Variants in SH3GL3 observed in about 807,000 individuals in gnomAD.
The protein encoded by SH3GL3 is endophilin-A3.
Under a neutral mutation model 47.7 loss-of-function variants are expected in SH3GL3, and 33 were observed. That is an observed-to-expected ratio of 0.69 (90% CI 0.52 to 0.92). The LOEUF is 0.92. SH3GL3 is among the 40% of genes least tolerant of loss of function. SH3GL3 has a pLI of 0.00. For missense variants in SH3GL3, 363 were observed against 417.8 expected, an observed-to-expected ratio of 0.87 and a Z score of 1.14; for synonymous variants, 155 against 148.8, an observed-to-expected ratio of 1.04 and a Z score of -0.30.
At chr15:83,516,991 A>T (rs776564429) in intron 1 of SH3GL3, among the ~76,000 whole-genome samples, 8 of 151,958 alleles carry the variant, frequency 5.3e-5, no homozygotes, top group Non-Finnish European at 1.2e-4. Context: ...GTATAACTAT[A>T]CCATACTTTT....
At chr15:83,472,364 C>T (rs1478384691) in intron 1 of SH3GL3, among the ~76,000 whole-genome samples, 1 of 152,150 alleles carries the variant, frequency 6.6e-6, no homozygotes, top group African/African-American at 2.4e-5. Context: ...GTTATGGTCC[C>T]TCATGTCCCT....
At chr15:83,557,402 A>C (rs1174148628) in intron 1 of SH3GL3, among the ~76,000 whole-genome samples, 1 of 152,246 alleles carries the variant, frequency 6.6e-6, no homozygotes, top group East Asian at 1.9e-4. Flanking sequence ...TCAAGACATT[A>C]GGTTAATTCT....
At position 83,447,604 on chromosome 15, in the gene SH3GL3, A is replaced by C. The variant is rs2039497898; in HGVS notation, c.45+26A>C. On this transcript the variant is annotated intron_variant, in intron 1 of 8. Transcript: ENST00000427482. This position sits in a 1 kb window ranked among gnomAD's most constrained non-coding sequence, Gnocchi z 5.1. ...GTAGGGAGGCGCAGAGGAGGGAAGG[A>C]GGGAGGGGGACGCGGAGGCTGCGGC... The C allele has an allele frequency of 2.0e-6, 3 of 1,470,268 alleles. No individual in the cohort carries two copies. The East Asian group carries it at 8.9e-5, about 43-fold the overall frequency. 91.1% of individuals were successfully genotyped at this position (1,470,268 alleles called of 1,614,324 possible).
At chr15:83,541,212 A>G (rs1567318381) in intron 1 of SH3GL3, among the ~76,000 whole-genome samples, 1 of 150,278 alleles carries the variant, frequency 6.7e-6, no homozygotes, top group Non-Finnish European at 1.5e-5. Flanking sequence ...GGCTATTGTG[A>G]ATAATGCTGC....
intron 2 of SH3GL3, among the ~76,000 whole-genome samples, chr15:83,560,969 A>G (rs146147703): frequency 0.013 from 1,996 of 152,316 alleles, 27 homozygotes; most frequent in Non-Finnish European, 0.019. Context: ...TCTGCACTAC[A>G]TAACATAGCA....
rs150920881 is a variant in SH3GL3, at chr15:83,606,893, A to G, written c.839-11189A>G. 3.9e-3 allele frequency among the ~76,000 whole-genome samples: 589 copies of G among 152,322 alleles called. 12 individuals are homozygous for G. Among genetic ancestry groups the G allele is most frequent in the Admixed American group, 0.035 (535 of 15,298 alleles). ...ATAATTTGAAATGTGGACAGGTTGA[A>G]CATTTAAATATTTTCTATATTTTAA... On this transcript the variant is annotated intron_variant, in intron 8 of 8. Coordinates refer to ENST00000427482, the MANE Select transcript of SH3GL3 (RefSeq NM_003027.5).
intron 1 of SH3GL3, among the ~76,000 whole-genome samples, chr15:83,457,123 A>T (rs986753985): frequency 6.6e-6 from 1 of 152,186 alleles, no homozygotes; most frequent in South Asian, 2.1e-4. Context: ...AGTTCAGGGC[A>T]CACCTATGTG....
At chr15:83,624,721 G>A in the SH3GL3 span, among the ~76,000 whole-genome samples, 1 of 152,188 alleles carries the variant, frequency 6.6e-6, no homozygotes, top group Non-Finnish European at 1.5e-5. Context: ...CTCCTTGGGA[G>A]GCCAGGACTT....
At chr15:83,606,895 A>G (rs1377717157) in intron 8 of SH3GL3, among the ~76,000 whole-genome samples, 3 of 152,222 alleles carry the variant, frequency 2.0e-5, no homozygotes, top group Non-Finnish European at 4.4e-5. Flanking sequence ...CAGGTTGAAC[A>G]TTTAAATATT....
intron 1 of SH3GL3, among the ~76,000 whole-genome samples, chr15:83,522,046 G>A (rs2043227701): frequency 6.6e-6 from 1 of 152,046 alleles, no homozygotes; most frequent in African/African-American, 2.4e-5. Context: ...GGGAAATAGT[G>A]GGTTCAGAAT....
chr15:83,456,509 T>G (rs2039976777), intron 1 of SH3GL3, among the ~76,000 whole-genome samples: 1 of 74,602 alleles, frequency 1.3e-5, no homozygotes, highest in South Asian at 6.3e-4. Context: ...TATAGTCTCG[T>G]GGTGCGCCGT....
intron 3 of SH3GL3, among the ~76,000 whole-genome samples, 190 bp from the exon 4 acceptor site, chr15:83,568,338 AC>A (rs1384939898): frequency 1.3e-5 from 2 of 152,184 alleles, no homozygotes; most frequent in South Asian, 2.1e-4. Flanking sequence ...TGCACTTAGC[AC>A]CCACCTTGGT....
intron 1 of SH3GL3, among the ~76,000 whole-genome samples, chr15:83,517,723 ATCTC>A (rs1450873034): frequency 6.6e-6 from 1 of 151,842 alleles, no homozygotes; most frequent in Non-Finnish European, 1.5e-5. Context: ...TATTTTGCAG[ATCTC>A]TCTCTCTTCT....
At chr15:83,608,979 C>A (rs1050094257) in intron 8 of SH3GL3, among the ~76,000 whole-genome samples, 8 of 152,124 alleles carry the variant, frequency 5.3e-5, no homozygotes, top group African/African-American at 1.9e-4. Context: ...TGACTTCAGG[C>A]CAGGAAGTGA....
chr15:83,471,387 G>C lies in SH3GL3; in HGVS notation c.45+23809G>C, dbSNP rs767270018. Among the ~76,000 whole-genome samples, 78 of 152,268 alleles carry C rather than the reference G, an allele frequency of 5.1e-4. No individual in the cohort carries two copies. In the Middle Eastern group the frequency reaches 0.01, roughly 20 times the overall value. ...TACCTTGAGGCTGTTTTCATTCTTT[G>C]AGTTTCTACCTAATGAACCACAACC... On this transcript the variant is annotated intron_variant, in intron 1 of 8. Coordinates refer to ENST00000427482, the MANE Select transcript of SH3GL3 (RefSeq NM_003027.5).
chr15:83,562,068 C>G (rs946207860), intron 2 of SH3GL3, among the ~76,000 whole-genome samples: 2 of 119,158 alleles, frequency 1.7e-5, no homozygotes, highest in African/African-American at 6.4e-5. Context: ...CACACACACA[C>G]ACACACACAC....
chr15:83,484,140 T>C (rs1212801465), intron 1 of SH3GL3, among the ~76,000 whole-genome samples: 4 of 152,196 alleles, frequency 2.6e-5, no homozygotes, highest in Non-Finnish European at 4.4e-5. Flanking sequence ...TTTTCTGCCT[T>C]CTTCTTATAC....
At chr15:83,559,791 G>T (rs962601491) in intron 2 of SH3GL3, among the ~76,000 whole-genome samples, 3 of 152,200 alleles carry the variant, frequency 2.0e-5, no homozygotes, top group African/African-American at 7.2e-5. Flanking sequence ...GAACCAGAGT[G>T]TGAACTTGGA....
intron 1 of SH3GL3, among the ~76,000 whole-genome samples, chr15:83,473,491 G>A (rs2040932114): frequency 1.3e-5 from 2 of 151,480 alleles, no homozygotes; most frequent in African/African-American, 4.8e-5. Context: ...TGGTCCCTTG[G>A]CTAGAGAGAG....
Sources: allele counts gnomAD v4.1 joint callset (sites outside exome capture counted in the v4.1 genomes callset), GRCh38; gene constraint gnomAD v4.1.1; non-coding constraint Gnocchi (gnomAD v3.1); transcripts MANE v1.5; gene names NCBI Gene and HGNC (gene_info 2026-07-23, HGNC 2026-07-21).